RYR3: variants seen among roughly 807,000 people sequenced by gnomAD.
RYR3 encodes brain ryanodine receptor-calcium release channel.
In RYR3, 207 loss-of-function variants were observed where a neutral mutation model predicts 584.3. The observed-to-expected ratio is 0.35, with a 90% CI of 0.32 to 0.40. The LOEUF is 0.40. Ranked by LOEUF, RYR3 falls within the 10% of genes least tolerant of loss-of-function variation. The pLI, the probability that RYR3 is intolerant of heterozygous loss-of-function variation, is 1.00. For synonymous variants in RYR3, 2,416 were observed against 2,248.5 expected (o/e 1.07, Z -2.11); for missense variants, 5,616 against 6,089.2 (o/e 0.92, Z 2.59).
rs2077062402 is a variant in RYR3, at chr15:33,820,780, G to A, written c.10783G>A (p.Glu3595Lys). ...GAGTTGTCAAAGTGGTGAGGATGAA[G>A]AAGAAGATGAAGACAAGGAAAAAAC... ...AKSCQSGEDE[E>K]EDEDKEKTFE... Residue 3595 changes from glutamate to lysine, a missense_variant, in exon 78 of 104, where the codon GAA becomes AAA. Around this residue, in one of 9 missense-constraint regions of RYR3, gnomAD observed 954 missense variants for 1,132.2 expected, o/e 0.84. Transcript: ENST00000634891. 1.9e-6 allele frequency: 3 copies of A among 1,604,800 alleles called. No individual in the cohort carries two copies. The highest frequency in any genetic ancestry group is 2.6e-6 in the Non-Finnish European group (3 of 1,175,618).
intron 12 of RYR3, among the ~76,000 whole-genome samples, chr15:33,569,211 C>T (rs2057886145): frequency 6.6e-6 from 1 of 152,136 alleles, no homozygotes; most frequent in Non-Finnish European, 1.5e-5. Context: ...TGGGTAAATA[C>T]TTAGGAGTGA....
chr15:33,333,170 T>C (rs1970569164), intron 1 of RYR3, among the ~76,000 whole-genome samples: 1 of 151,722 alleles, frequency 6.6e-6, no homozygotes, highest in African/African-American at 2.4e-5. Context: ...GAAACTATTC[T>C]GAAAAATGGA....
chr15:33,356,087 T>G lies in RYR3; in HGVS notation c.51+44991T>G, dbSNP rs983209363. Reference sequence around the variant, plus strand: ...TAGATAAGAACTGTGAGTATAGATTTGTGAATCATGCATACGATGAGGTTC... The same window carrying G: ...TAGATAAGAACTGTGAGTATAGATTGGTGAATCATGCATACGATGAGGTTC... On this transcript the variant is annotated intron_variant, in intron 1 of 103. Transcript: ENST00000634891. Among the ~76,000 whole-genome samples, 12 of 152,252 alleles carry G rather than the reference T, an allele frequency of 7.9e-5. No individual in the cohort carries two copies. The South Asian group carries it at 2.5e-3, about 32-fold the overall frequency.
In RYR3 at chr15:33,533,388, A is replaced by G. The variant is rs770046153; in HGVS notation, c.432A>G (p.Thr144=). 1.9e-6 allele frequency: 3 copies of G among 1,601,052 alleles called. No homozygotes were observed. The highest frequency in any genetic ancestry group is 2.6e-6 in the Non-Finnish European group (3 of 1,172,216). The change falls in exon 5 of 104, where the codon ACA becomes ACG. Residue 144 remains threonine (T), a splice_region_variant and synonymous_variant. Transcript: ENST00000634891. ...ATGTAGGTCTACGGGAACATGCCACAGGTGAGTCAGCATTCCCAGATCTCT... is the reference window on the plus strand; with the variant it reads ...ATGTAGGTCTACGGGAACATGCCACGGGTGAGTCAGCATTCCCAGATCTCT... The part of the protein sequence containing the change: ...AFDVGLREHA[T]GEACWWTIHP...
intron 48 of RYR3, among the ~76,000 whole-genome samples, chr15:33,734,946 C>A (rs1353908381): frequency 2.0e-5 from 3 of 152,096 alleles, no homozygotes; most frequent in Non-Finnish European, 4.4e-5. Flanking sequence ...CCACCTTGAT[C>A]TCTCGAAGTG....
intron 16 of RYR3, among the ~76,000 whole-genome samples, chr15:33,591,604 G>T (rs1044050005): frequency 6.6e-6 from 1 of 152,190 alleles, no homozygotes; most frequent in Admixed American, 6.5e-5. Context: ...AGTTTTTCCA[G>T]AGTAAGATTC....
chr15:33,723,665 A>G (rs1490437669), intron 44 of RYR3, among the ~76,000 whole-genome samples: 1 of 152,194 alleles, frequency 6.6e-6, no homozygotes, highest in African/African-American at 2.4e-5. Context: ...CATGAGAAAA[A>G]AACTGAGGCC....
intron 60 of RYR3, among the ~76,000 whole-genome samples, chr15:33,766,672 A>G (rs1784896391): frequency 1.3e-5 from 2 of 152,244 alleles, no homozygotes; most frequent in Non-Finnish European, 2.9e-5. Context: ...TTTCAAATCC[A>G]TCAGTGTGCT....
intron 19 of RYR3, 87 bp from the exon 20 acceptor site, chr15:33,623,720 A>G (rs919751032): frequency 2.2e-6 from 2 of 899,636 alleles, no homozygotes; most frequent in Non-Finnish European, 3.5e-6. Flanking sequence ...TGAGGGTGGG[A>G]GGTAGGGATT....
At chr15:33,761,445 A>G (rs2072440570) in intron 60 of RYR3, among the ~76,000 whole-genome samples, 1 of 152,246 alleles carries the variant, frequency 6.6e-6, no homozygotes, top group Non-Finnish European at 1.5e-5. Flanking sequence ...AGAAATACAA[A>G]CTACCGTTAG....
At chr15:33,499,166 C>A (rs2051719039) in intron 2 of RYR3, among the ~76,000 whole-genome samples, 1 of 151,650 alleles carries the variant, frequency 6.6e-6, no homozygotes, top group African/African-American at 2.4e-5. Flanking sequence ...CCTCCCCATG[C>A]TTACTCCCCT....
intron 5 of RYR3, among the ~76,000 whole-genome samples, chr15:33,535,182 T>A (rs1300997896): frequency 6.6e-6 from 1 of 152,208 alleles, no homozygotes; most frequent in Non-Finnish European, 1.5e-5. Flanking sequence ...GACAAGAGCC[T>A]ATGTTGTTAT....
rs376650962 is a variant in RYR3 at position 33,663,699 on chromosome 15, C to T, written c.5581C>T (p.Arg1861Trp). 45 of 1,610,702 alleles carry T rather than the reference C, an allele frequency of 2.8e-5. No homozygotes were observed. The highest frequency in any genetic ancestry group is 6.6e-5 in the South Asian group (6 of 90,302). Residue 1861 changes from arginine (R) to tryptophan (W), a missense_variant, in exon 36 of 104, where the codon CGG becomes TGG. Around this residue, in one of 9 missense-constraint regions of RYR3, gnomAD observed 1,280 missense variants for 1,426.2 expected, o/e 0.90. Coordinates refer to ENST00000634891, the MANE Select transcript of RYR3 (RefSeq NM_001036.6). ...ALNMSAALTA[R>W]KTKEFRSPPQ... ...GAACATGTCTGCGGCCCTGACTGCC[C>T]GGAAGACCAAGGAGTTCCGCTCACC...
At chr15:33,518,777 C>G (rs1444480516) in intron 3 of RYR3, among the ~76,000 whole-genome samples, 1 of 152,190 alleles carries the variant, frequency 6.6e-6, no homozygotes, top group Non-Finnish European at 1.5e-5. Flanking sequence ...AAGCTAGCCT[C>G]TGAAAGGTGG....
chr15:33,520,428 C>G (rs141625385), intron 3 of RYR3, among the ~76,000 whole-genome samples: 2 of 152,078 alleles, frequency 1.3e-5, no homozygotes, highest in Non-Finnish European at 2.9e-5. Flanking sequence ...GGTCACTGGT[C>G]CACTGTTTCA....
At chr15:33,523,302 C>G (rs1445812997) in intron 3 of RYR3, among the ~76,000 whole-genome samples, 1 of 152,174 alleles carries the variant, frequency 6.6e-6, no homozygotes, top group African/African-American at 2.4e-5. Flanking sequence ...AAGCTTTGGT[C>G]TTTTGCTTTT....
chr15:33,717,795 C>T (rs975065660), intron 43 of RYR3, among the ~76,000 whole-genome samples: 1 of 152,178 alleles, frequency 6.6e-6, no homozygotes, highest in South Asian at 2.1e-4. Context: ...GCTTGACTGT[C>T]CTGGTTACTG....
intron 49 of RYR3, among the ~76,000 whole-genome samples, chr15:33,737,928 T>TGAGAGAG (rs2152831603): frequency 6.6e-6 from 1 of 151,902 alleles, no homozygotes; most frequent in South Asian, 2.1e-4. Flanking sequence ...CACTGGGGTG[T>TGAGAGAG]GAGAGAGGGG....
chr15:33,756,826 G>T (rs578076593), intron 59 of RYR3, among the ~76,000 whole-genome samples: 1 of 152,166 alleles, frequency 6.6e-6, no homozygotes, highest in South Asian at 2.1e-4. Flanking sequence ...GGTACATATG[G>T]TACCCTCTTC....
Sources: allele counts gnomAD v4.1 joint callset (sites outside exome capture counted in the v4.1 genomes callset), GRCh38; gene constraint gnomAD v4.1.1; regional missense constraint gnomAD v4.1.1; transcripts MANE v1.5; gene names NCBI Gene and HGNC (gene_info 2026-07-23, HGNC 2026-07-21).